Variants in ACYP2 observed in about 807,000 individuals in gnomAD.
ACYP2 encodes acylphosphatase 2.
ACYP2 carries 12 observed loss-of-function variants against 11.2 expected under a neutral mutation model. The observed-to-expected ratio is 1.08, with a 90% CI of 0.69 to 1.74. The LOEUF (loss-of-function observed/expected upper bound fraction) is 1.74, where lower values mean the gene tolerates loss of function less well. Among genes scored for constraint, ACYP2 ranks in the 40% most tolerant of loss-of-function variants. The pLI is 0.00. For missense variants in ACYP2, 134 were observed against 101.9 expected, an observed-to-expected ratio of 1.31 and a Z score of -1.35; for synonymous variants, 43 against 32.2, an observed-to-expected ratio of 1.33 and a Z score of -1.13.
At chr2:54,158,834 A>G (rs1682567194) in intron 6 of ACYP2, among the ~76,000 whole-genome samples, 1 of 152,200 alleles carries the variant, frequency 6.6e-6, no homozygotes, top group Non-Finnish European at 1.5e-5. Flanking sequence ...AGCCAATTAC[A>G]AAATATTAAG....
chr2:54,118,987 G>A (rs533479396), intron 4 of ACYP2, among the ~76,000 whole-genome samples: 24 of 150,616 alleles, frequency 1.6e-4, no homozygotes, highest in South Asian at 1.5e-3. Context: ...ACATTGAGGC[G>A]TGGGGAAGTA....
rs1292699979 is a variant in ACYP2 at position 54,106,202 on chromosome 2, T to C, written c.278-29251T>C. ...ATTGACACTGTACTGCATTCATCAC[T>C]ATTATCAACCTTTTAAAGGTAAGAT... On this transcript the variant is annotated intron_variant, in intron 4 of 6. Transcript: ENST00000607452. Among the ~76,000 whole-genome samples, 5 of 152,306 alleles carry C rather than the reference T, an allele frequency of 3.3e-5. No individual in the cohort carries two copies. The East Asian group carries it at 9.6e-4, about 29-fold the overall frequency.
chr2:54,171,971 T>C (rs1336638884), intron 6 of ACYP2, among the ~76,000 whole-genome samples: 1 of 152,088 alleles, frequency 6.6e-6, no homozygotes, highest in Non-Finnish European at 1.5e-5. Context: ...CCTACCACTT[T>C]AGGAGGTTGA....
At chr2:54,115,860 C>G in intron 4 of ACYP2, 104 bp downstream of exon 1, 2 of 1,346,688 alleles carry the variant, frequency 1.5e-6, no homozygotes. Flanking sequence ...CCCGTTGTGG[C>G]TGGGACTTCC....
chr2:54,127,615 G>A (rs1330452803), intron 4 of ACYP2, among the ~76,000 whole-genome samples: 1 of 151,960 alleles, frequency 6.6e-6, no homozygotes, highest in Non-Finnish European at 1.5e-5. Flanking sequence ...CGGTGTGGTG[G>A]CATGCACCTG....
intron 6 of ACYP2, among the ~76,000 whole-genome samples, chr2:54,209,686 T>G (rs553580744): frequency 6.6e-6 from 1 of 152,308 alleles, no homozygotes; most frequent in South Asian, 2.1e-4. Flanking sequence ...TGAAAGCATT[T>G]ACAATTCAGT....
chr2:54,142,935 A>C (rs1441524383), intron 6 of ACYP2: 1 of 152,032 alleles, frequency 6.6e-6, no homozygotes, highest in African/African-American at 2.4e-5. Flanking sequence ...TTGCATATGG[A>C]TTTCTTTCCC....
chr2:54,070,041 T>C (rs1255377783), intron 4 of ACYP2, among the ~76,000 whole-genome samples: 1 of 151,746 alleles, frequency 6.6e-6, no homozygotes, highest in Non-Finnish European at 1.5e-5. Flanking sequence ...GAGGCCAAGG[T>C]GGGCAGATCA....
chr2:53,994,512 C>CAAAAA lies in ACYP2; in HGVS notation c.62+20703_62+20704insAAAAA, dbSNP rs759787287. Among the ~76,000 whole-genome samples, 3 of 30,498 alleles carry CAAAAA rather than the reference C, an allele frequency of 9.8e-5. 1 individual carries two copies. The allele number at this position is 30,498 out of a possible 152,430, so 20.0% of individuals were successfully genotyped here. A position where few individuals can be genotyped will look rare whatever the true frequency, so the allele number is the denominator to read the frequency against. ...CCAGCCTGGGTGACAGAGTAAGACT[C>CAAAAA]AGAAAAAAAAAAAAAAAAAAGAGGA... On this transcript the variant is annotated intron_variant, in intron 2 of 6. Transcript: ENST00000607452.
chr2:54,135,588 C>A, intron 5 of ACYP2, 119 bp downstream of exon 2: 3 of 703,544 alleles, frequency 4.3e-6, no homozygotes, highest in East Asian at 2.9e-5. Context: ...TCCTTGACAG[C>A]AAATGAAGAA....
intron 4 of ACYP2, among the ~76,000 whole-genome samples, chr2:54,132,505 A>T (rs556617194): frequency 4.0e-4 from 61 of 152,164 alleles, no homozygotes; most frequent in Middle Eastern, 6.8e-3. Context: ...GTATACTACC[A>T]TCAGGAAACT....
chr2:54,016,701 G>A (rs1673702495), intron 2 of ACYP2, among the ~76,000 whole-genome samples: 2 of 150,740 alleles, frequency 1.3e-5, no homozygotes, highest in African/African-American at 4.9e-5. Context: ...GAGAAGTCAA[G>A]GTCAAGGCAC....
chr2:54,259,566 G>A (rs924616055), intron 6 of ACYP2, among the ~76,000 whole-genome samples: 1 of 151,342 alleles, frequency 6.6e-6, no homozygotes, highest in Non-Finnish European at 1.5e-5. Flanking sequence ...GTGCTCACAT[G>A]TCAGTTAGTA....
intron 6 of ACYP2, chr2:54,256,239 CCTCGCCCATTTGCGCCGCCCACT>C: frequency 6.9e-7 from 1 of 1,451,914 alleles, no homozygotes; most frequent in Admixed American, 2.2e-5. Context: ...CGAGTAAACA[CCTCGCCCATTTGCGCCGCCCACT>C]CTTCAGTCTC....
At chr2:53,997,150 A>T (rs190991457) in intron 2 of ACYP2, among the ~76,000 whole-genome samples, 39 of 152,234 alleles carry the variant, frequency 2.6e-4, no homozygotes, top group Non-Finnish European at 4.7e-4. Flanking sequence ...TCTCTCTTCT[A>T]TCTACCTATC....
chr2:54,079,731 TA>T lies in ACYP2; in HGVS notation c.277+22372del, dbSNP rs144471842. Among the ~76,000 whole-genome samples, 871 of 152,350 alleles carry T rather than the reference TA, an allele frequency of 5.7e-3. 4 individuals carry two copies. Among genetic ancestry groups the T allele is most frequent in the Non-Finnish European group, 9.7e-3 (662 of 68,036 alleles). ...TTTAGGTTCGGAATAGCTTGATGCT[TA>T]CACAATTTTGAGAGTTCTCTTTAAG... On this transcript the variant is annotated intron_variant, in intron 4 of 6. Transcript: ENST00000607452.
chr2:54,010,486 A>C (rs1368035096), intron 2 of ACYP2, among the ~76,000 whole-genome samples: 1 of 24,690 alleles, frequency 4.1e-5, no homozygotes, highest in Non-Finnish European at 6.5e-5. Flanking sequence ...CTCTGTCTCA[A>C]AAAAAAAAAA....
At chr2:54,243,168 C>T (rs986968124) in intron 6 of ACYP2, among the ~76,000 whole-genome samples, 2 of 151,796 alleles carry the variant, frequency 1.3e-5, no homozygotes, top group Non-Finnish European at 2.9e-5. Context: ...AATTTTTTTC[C>T]AGTACAATAA....
chr2:54,224,921 A>G (rs915323776), intron 6 of ACYP2, among the ~76,000 whole-genome samples: 1 of 152,212 alleles, frequency 6.6e-6, no homozygotes, highest in Non-Finnish European at 1.5e-5. Flanking sequence ...GGGGCAAAAA[A>G]AGTAGGCAGG....
Sources: allele counts gnomAD v4.1 joint callset (sites outside exome capture counted in the v4.1 genomes callset), GRCh38; gene constraint gnomAD v4.1.1; transcripts MANE v1.5; gene names NCBI Gene and HGNC (gene_info 2026-07-23, HGNC 2026-07-21).